Variants in RCAN1 observed in about 807,000 individuals in gnomAD.
RCAN1 encodes the protein calcipressin-1.
Under a neutral mutation model 22.9 loss-of-function variants are expected in RCAN1, and 11 were observed. That is an observed-to-expected ratio of 0.48 (90% CI 0.30 to 0.79). The LOEUF is 0.79. RCAN1 is among the 30% of genes least tolerant of loss of function. RCAN1 has a pLI of 0.06. For missense variants in RCAN1, 291 were observed against 337.8 expected (o/e 0.86, Z 1.09); for synonymous variants, 136 against 142.3 (o/e 0.96, Z 0.32).
chr21:34,518,331 C>T lies in RCAN1; in HGVS notation c.587-75G>A. On this transcript the variant is annotated intron_variant, in intron 3 of 3. Coordinates refer to ENST00000313806, the MANE Select transcript of RCAN1 (RefSeq NM_004414.7). The surrounding 1 kb of genome is among the most constrained non-coding windows in gnomAD (Gnocchi z 4.2). ...CAAAAGGCAAACATAAAAGAGCATTCAGGGCTCTGCTGGGCCAGCTGCTCG... is the reference window on the plus strand; with the variant it reads ...CAAAAGGCAAACATAAAAGAGCATTTAGGGCTCTGCTGGGCCAGCTGCTCG... 1 of 1,484,882 alleles carries T rather than the reference C, an allele frequency of 6.7e-7. No individual in the cohort carries two copies. Among genetic ancestry groups the T allele is most frequent in the Non-Finnish European group, 9.2e-7 (1 of 1,089,304 alleles). The allele number at this position is 1,484,882 out of a possible 1,614,324, so 92.0% of individuals were successfully genotyped here.
intron 1 of RCAN1, among the ~76,000 whole-genome samples, chr21:34,539,655 G>T (rs1428518967): frequency 6.6e-6 from 1 of 152,224 alleles, no homozygotes; most frequent in Non-Finnish European, 1.5e-5. Context: ...AAGGGTAAAG[G>T]TTAGTTGGAG....
At chr21:34,521,458 T>G in intron 3 of RCAN1, 41 bp downstream of exon 3, 32 of 1,613,448 alleles carry the variant, frequency 2.0e-5, no homozygotes, top group Non-Finnish European at 2.6e-5. Context: ...GCAGCAGCTG[T>G]GTCTCCCCCT....
chr21:34,589,220 A>C (rs1344017126), intron 1 of RCAN1, among the ~76,000 whole-genome samples: 1 of 152,308 alleles, frequency 6.6e-6, no homozygotes, highest in East Asian at 1.9e-4. Context: ...CATAATAAAG[A>C]TTGTATTCAT....
At chr21:34,613,465 T>G (rs1430906103) in intron 1 of RCAN1, among the ~76,000 whole-genome samples, 2 of 152,198 alleles carry the variant, frequency 1.3e-5, no homozygotes, top group East Asian at 3.8e-4. Context: ...GGGCAAACTT[T>G]CATACAACAC....
In RCAN1 at chr21:34,614,682, G is replaced by C; in HGVS notation, c.252+78C>G. ...CCGCCCCGCGCGCGGCCGGGACTGG[G>C]CGCTGCGACCCGCGCCGCCTCCTCG... On this transcript the variant is annotated intron_variant, in intron 1 of 3. Transcript: ENST00000313806. The surrounding 1 kb of genome is among the most constrained non-coding windows in gnomAD (Gnocchi z 6.0). 1 of 1,268,614 alleles carries C rather than the reference G, an allele frequency of 7.9e-7. No individual in the cohort carries two copies. Among genetic ancestry groups the C allele is most frequent in the Non-Finnish European group, 1.0e-6 (1 of 1,004,004 alleles). The allele number at this position is 1,268,614 out of a possible 1,614,324, so 78.6% of individuals were successfully genotyped here.
intron 1 of RCAN1, among the ~76,000 whole-genome samples, chr21:34,557,342 C>G (rs1244712731): frequency 2.0e-5 from 3 of 152,236 alleles, no homozygotes; most frequent in Non-Finnish European, 4.4e-5. Flanking sequence ...CTCACTCCAG[C>G]CACCTATGTC....
In RCAN1 at chr21:34,518,657, A is replaced by G. The variant is rs1238623336; in HGVS notation, c.587-401T>C. 2.0e-5 allele frequency among the ~76,000 whole-genome samples: 3 copies of G among 152,232 alleles called. No homozygotes were observed. Among genetic ancestry groups the G allele is most frequent in the African/African-American group, 7.2e-5 (3 of 41,468 alleles). ...ATGAAGAAACGTATTTGGAAACAGAACCCTGGGCCTCCCTCATGCAGCTCC... is the reference window on the plus strand; with the variant it reads ...ATGAAGAAACGTATTTGGAAACAGAGCCCTGGGCCTCCCTCATGCAGCTCC... On this transcript the variant is annotated intron_variant, in intron 3 of 3. Transcript: ENST00000313806. This position sits in a 1 kb window ranked among gnomAD's most constrained non-coding sequence, Gnocchi z 4.2.
intron 1 of RCAN1, among the ~76,000 whole-genome samples, chr21:34,533,104 G>GCA (rs1428855579): frequency 1.5e-4 from 23 of 151,500 alleles, no homozygotes; most frequent in Admixed American, 7.9e-4. Context: ...GGGACTACAG[G>GCA]TGCCCGCCAC....
intron 1 of RCAN1, among the ~76,000 whole-genome samples, chr21:34,595,355 C>T (rs1367733270): frequency 6.6e-6 from 1 of 152,164 alleles, no homozygotes; most frequent in Non-Finnish European, 1.5e-5. Flanking sequence ...AGCTCTTAAG[C>T]CCTAAGAAAG....
chr21:34,536,985 G>C (rs967397542), intron 1 of RCAN1, among the ~76,000 whole-genome samples: 2 of 152,174 alleles, frequency 1.3e-5, no homozygotes, highest in Non-Finnish European at 2.9e-5. Context: ...GTCTGCAGTT[G>C]AGAAGTCCCA....
At chr21:34,563,224 G>A (rs1986859928) in intron 1 of RCAN1, among the ~76,000 whole-genome samples, 1 of 152,098 alleles carries the variant, frequency 6.6e-6, no homozygotes, top group Non-Finnish European at 1.5e-5. Context: ...AACTCAACTT[G>A]GGGCCAATCT....
intron 1 of RCAN1, among the ~76,000 whole-genome samples, chr21:34,609,205 A>G (rs1568935307): frequency 6.6e-6 from 1 of 152,234 alleles, no homozygotes; most frequent in African/African-American, 2.4e-5. Flanking sequence ...CTGCCATGGT[A>G]TAGCCTCCTA....
Position 34,546,434 on chromosome 21 carries a change from A to C in RCAN1, c.253-22724T>G, listed in dbSNP as rs143220462. 2.6e-3 allele frequency among the ~76,000 whole-genome samples: 396 copies of C among 152,166 alleles called. 4 individuals carry two copies. Among genetic ancestry groups the C allele is most frequent in the African/African-American group, 8.8e-3 (367 of 41,484 alleles). On this transcript the variant is annotated intron_variant, in intron 1 of 3. Coordinates refer to ENST00000313806, the MANE Select transcript of RCAN1 (RefSeq NM_004414.7). ...CTTTGTTTCAAACGAATAGGCTCTA[A>C]CTTAAAATAATTTACTTGTACAATT...
chr21:34,561,478 T>A (rs189433315), intron 1 of RCAN1, among the ~76,000 whole-genome samples: 54 of 152,284 alleles, frequency 3.5e-4, no homozygotes, highest in Admixed American at 1.6e-3. Context: ...ACCTACAATA[T>A]CCAACTTATT....
intron 1 of RCAN1, among the ~76,000 whole-genome samples, chr21:34,555,591 A>C (rs1986529616): frequency 6.7e-6 from 1 of 149,460 alleles, no homozygotes; most frequent in African/African-American, 2.5e-5. Flanking sequence ...AATAAATAAA[A>C]TAATAATAAT....
chr21:34,541,730 A>T (rs1281537260), intron 1 of RCAN1, among the ~76,000 whole-genome samples: 3 of 152,172 alleles, frequency 2.0e-5, no homozygotes, highest in African/African-American at 7.2e-5. Flanking sequence ...GTCAGGAGAT[A>T]GAGACCATCC....
chr21:34,525,190 G>T, intron 1 of RCAN1: 1 of 1,550,626 alleles, frequency 6.4e-7, no homozygotes, highest in Non-Finnish European at 8.7e-7. Flanking sequence ...GCAAGCGCGG[G>T]GAGGCACTGG....
Position 34,517,907 on chromosome 21 carries a change from G to T in RCAN1, c.*177C>A, listed in dbSNP as rs1984162062. On this transcript the variant is annotated 3_prime_UTR_variant, in exon 4 of 4. Coordinates refer to ENST00000313806, the MANE Select transcript of RCAN1 (RefSeq NM_004414.7). The stretch of plus-strand genomic sequence containing the variant: ...TCCCGGGTGCCATGAACAGTAACTG[G>T]TGTGCAGCATTAGAACAAGGGGACA... 1 of 690,266 alleles carries T rather than the reference G, an allele frequency of 1.4e-6. No homozygotes were observed. The highest frequency in any genetic ancestry group is 1.9e-5 in the South Asian group (1 of 53,508). The allele number at this position is 690,266 out of a possible 1,614,324, so 42.8% of individuals were successfully genotyped here.
At chr21:34,607,396 C>T (rs1176202616) in intron 1 of RCAN1, among the ~76,000 whole-genome samples, 1 of 146,510 alleles carries the variant, frequency 6.8e-6, no homozygotes, top group African/African-American at 2.5e-5. Flanking sequence ...GATTTGCTCC[C>T]TTTTTTTTTT....
Sources: gnomAD v4.1 joint callset for allele counts (sites outside exome capture counted in the v4.1 genomes callset) on GRCh38, gnomAD v4.1.1 for gene constraint, Gnocchi (gnomAD v3.1) non-coding constraint, MANE v1.5 for transcripts, NCBI Gene and HGNC (gene_info 2026-07-23, HGNC 2026-07-21) for gene names.